HEATR9: variants seen among roughly 807,000 people sequenced by gnomAD.
The protein encoded by HEATR9 is HEAT repeat containing 9, also known as protein HEATR9.
A neutral mutation model predicts 68.2 loss-of-function variants in HEATR9; 54 were observed. The observed-to-expected ratio is 0.79, with a 90% CI of 0.64 to 0.99. HEATR9 has a LOEUF of 0.99. Among genes scored for constraint, HEATR9 ranks in the 50% least tolerant of loss-of-function variants. The pLI, the probability that HEATR9 is intolerant of heterozygous loss-of-function variation, is 0.00. For synonymous variants in HEATR9, 241 were observed against 253.5 expected (o/e 0.95, Z 0.47); for missense variants, 662 against 679.7 (o/e 0.97, Z 0.29).
chr17:35,857,252 C>G (rs1318727050), intron 11 of HEATR9, among the ~76,000 whole-genome samples: 2 of 152,102 alleles, frequency 1.3e-5, no homozygotes, highest in Non-Finnish European at 2.9e-5. Context: ...TCTAATTACC[C>G]TGGGACAACA....
At position 35,864,292 on chromosome 17, in the gene HEATR9, C is replaced by T; in HGVS notation, c.521G>A (p.Cys174Tyr). 1 of 1,612,524 alleles carries T rather than the reference C, an allele frequency of 6.2e-7. No individual in the cohort carries two copies. The highest frequency in any genetic ancestry group is 8.5e-7 in the Non-Finnish European group (1 of 1,178,468). The part of the protein sequence containing the change: ...EQFYAAQALG[C>Y]LRISDKFVME... ...GACAAACTTGTCACTGATGCGTAAG[C>T]ATCCCAGAGCCTGCAGGAAGAGGGA... Residue 174 changes from cysteine (C) to tyrosine (Y), a missense_variant, in exon 6 of 15, where the codon TGC (cysteine) becomes TAC (tyrosine). Cys to Tyr is a radical substitution (Grantham distance 194). Coordinates refer to ENST00000604834, the MANE Select transcript of HEATR9 (RefSeq NM_152781.4).
chr17:35,868,838 G>C lies in HEATR9; in HGVS notation c.-96C>G. 1 of 1,049,500 alleles carries C rather than the reference G, an allele frequency of 9.5e-7. No homozygotes were observed. The highest frequency in any genetic ancestry group is 1.4e-6 in the Non-Finnish European group (1 of 692,938). The allele number at this position is 1,049,500 out of a possible 1,614,324, so 65.0% of individuals were successfully genotyped here. On this transcript the variant is annotated 5_prime_UTR_variant, in exon 1 of 15. Transcript: ENST00000604834. ...AGCTGGAGGAGACCTGTCCTCTGTG[G>C]TACGAGAGGTACAGGGGAGGTGTCT...
chr17:35,857,931 G>A (rs1266201826), intron 11 of HEATR9, among the ~76,000 whole-genome samples: 1 of 152,132 alleles, frequency 6.6e-6, no homozygotes, highest in Admixed American at 6.5e-5. Flanking sequence ...TTTTTAGTAG[G>A]CAGAAGGGGA....
intron 2 of HEATR9, 143 bp downstream of exon 2, chr17:35,866,581 A>T: frequency 1.3e-6 from 1 of 752,380 alleles, no homozygotes; most frequent in Non-Finnish European, 2.3e-6. Context: ...TGAGGGGGAA[A>T]GTGACTGTTC....
At chr17:35,868,617 C>T (rs772475693) in intron 1 of HEATR9, 38 bp downstream of exon 1, 45 of 1,613,614 alleles carry the variant, frequency 2.8e-5, no homozygotes, top group Non-Finnish European at 3.4e-5. Context: ...TTTTCAGTCC[C>T]CTGCTCTTGG....
intron 14 of HEATR9, 39 bp downstream of exon 14, chr17:35,855,625 T>G (rs1598568678): frequency 6.3e-7 from 1 of 1,578,058 alleles, no homozygotes. Flanking sequence ...GAAGGAGGGC[T>G]AGAGAAGAGG....
At chr17:35,856,905 A>T in intron 11 of HEATR9, 100 bp from the exon 12 acceptor site, 1 of 1,106,372 alleles carries the variant, frequency 9.0e-7, no homozygotes. Context: ...TGTGCTATGT[A>T]GAGTCCCTGC....
intron 8 of HEATR9, among the ~76,000 whole-genome samples, chr17:35,860,445 C>T (rs887257803): frequency 1.4e-5 from 2 of 141,824 alleles, no homozygotes; most frequent in African/African-American, 5.4e-5. Flanking sequence ...CTTCAAAGTC[C>T]TTATTTTTAT....
At position 35,868,776 on chromosome 17, in the gene HEATR9, A is replaced by AG; in HGVS notation, c.-35dup. The AG allele has an allele frequency of 6.2e-7, 1 of 1,604,280 alleles. No homozygotes were observed. The highest frequency in any genetic ancestry group is 8.5e-7 in the Non-Finnish European group (1 of 1,171,488). ...CCTGGTGGGGCCAGAGGGAACCTGC[A>AG]GGGGGGAATACAAGGCTTTTAGGGG... On this transcript the variant is annotated 5_prime_UTR_variant, in exon 1 of 15. Coordinates refer to ENST00000604834, the MANE Select transcript of HEATR9 (RefSeq NM_152781.4).
chr17:35,856,726 A>T lies in HEATR9; in HGVS notation c.1226+6T>A, dbSNP rs1377874296. 1 of 1,598,234 alleles carries T rather than the reference A, an allele frequency of 6.3e-7. No homozygotes were observed. Among genetic ancestry groups the T allele is most frequent in the East Asian group, 2.2e-5 (1 of 44,666 alleles). On this transcript the variant is annotated splice_donor_region_variant and intron_variant, in intron 12 of 14. Coordinates refer to ENST00000604834, the MANE Select transcript of HEATR9 (RefSeq NM_152781.4). ...ATTTGGCCCTGGCAGCTCCCAGGCCACTCACGCCTCCACCAAGTTCATCAT... is the reference window on the plus strand; with the variant it reads ...ATTTGGCCCTGGCAGCTCCCAGGCCTCTCACGCCTCCACCAAGTTCATCAT...
chr17:35,866,829 C>A, intron 1 of HEATR9, 56 bp from the exon 2 acceptor site: 2 of 1,563,770 alleles, frequency 1.3e-6, no homozygotes. Context: ...AGTTGCAGGC[C>A]AGGCTTGGTG....
intron 7 of HEATR9, 118 bp downstream of exon 7, chr17:35,863,384 C>A: frequency 8.6e-7 from 1 of 1,160,912 alleles, no homozygotes; most frequent in South Asian, 1.3e-5. Flanking sequence ...GGATAGTTCT[C>A]AGGCCTTGCC....
chr17:35,865,302 T>A lies in HEATR9; in HGVS notation c.233A>T (p.Glu78Val). 6.2e-7 allele frequency: 1 copy of A among 1,613,920 alleles called. No individual in the cohort carries two copies. The highest frequency in any genetic ancestry group is 8.5e-7 in the Non-Finnish European group (1 of 1,179,952). The change falls in exon 3 of 15, where the codon GAG (glutamate) becomes GTG (valine). Residue 78 changes from glutamate (E) to valine (V), a missense_variant. Physicochemically the swap from Glu to Val is moderately radical, Grantham distance 121 (BLOSUM62 -2). Coordinates refer to ENST00000604834, the MANE Select transcript of HEATR9 (RefSeq NM_152781.4). ...SVPYCYFKKP[E>V]IYTHWHDLYD... ...CAGGTCGTGCCAGTGCGTGTAGATC[T>A]CAGGTTTCTTGAAGTAGCAGTACGG...
chr17:35,868,492 C>T, intron 1 of HEATR9, 163 bp downstream of exon 1: 1 of 1,312,114 alleles, frequency 7.6e-7, no homozygotes, highest in Non-Finnish European at 1.0e-6. Context: ...GAGCCTGAGA[C>T]CTTGAGGACT....
At chr17:35,864,661 T>C in intron 4 of HEATR9, 97 bp downstream of exon 4, 2 of 1,592,688 alleles carry the variant, frequency 1.3e-6, no homozygotes, top group South Asian at 1.1e-5. Context: ...ACCTCTGTTT[T>C]TCAGGCAAGG....
chr17:35,863,762 T>C, intron 6 of HEATR9: 1 of 623,976 alleles, frequency 1.6e-6, no homozygotes. Flanking sequence ...TTTGTTCAAA[T>C]CTCTATCTGG....
rs754569996 is a variant in HEATR9 at position 35,858,240 on chromosome 17, A to T, written c.1112T>A (p.Phe371Tyr). The T allele has an allele frequency of 5.6e-6, 9 of 1,614,116 alleles. No individual in the cohort carries two copies. The highest frequency in any genetic ancestry group is 6.8e-6 in the Non-Finnish European group (8 of 1,180,016). ...ATGCGTCTTCCTCCTGAGCAGGTTA[A>T]ATGTGAGTTCCTCTAGCCCCTGTGC... The part of the protein sequence containing the change: ...IQAQGLEELT[F>Y]NLLRRKTHNE... The change falls in exon 11 of 15, where the codon TTT becomes TAT. Residue 371 changes from phenylalanine to tyrosine, a missense_variant. By Grantham distance (22) the Phe-to-Tyr change is conservative. Transcript: ENST00000604834.
chr17:35,855,284 T>G lies in HEATR9; in HGVS notation c.1492A>C (p.Lys498Gln). 1 of 1,614,218 alleles carries G rather than the reference T, an allele frequency of 6.2e-7. No homozygotes were observed. The highest frequency in any genetic ancestry group is 8.5e-7 in the Non-Finnish European group (1 of 1,180,012). Reference protein sequence around the residue: ...NVKAEPTRFQKEPENPEELTI... With the variant: ...NVKAEPTRFQQEPENPEELTI... ...AACTCTTCTGGGTTCTCAGGCTCTT[T>G]CTGGAACCTTGTGGGCTCTGCCTTC... Residue 498 changes from lysine to glutamine, a missense_variant, in exon 15 of 15, where the codon AAA becomes CAA. Physicochemically the swap from Lys to Gln is moderately conservative, Grantham distance 53 (BLOSUM62 1). Coordinates refer to ENST00000604834, the MANE Select transcript of HEATR9 (RefSeq NM_152781.4).
In HEATR9 at chr17:35,868,434, G is replaced by A. The variant is rs141889528; in HGVS notation, c.88+221C>T. 3,018 of 688,034 alleles carry A rather than the reference G, an allele frequency of 4.4e-3. 22 individuals are homozygous for A. The highest frequency in any genetic ancestry group is 5.2e-3 in the Non-Finnish European group (2,306 of 442,866). 42.6% of individuals were successfully genotyped at this position (688,034 alleles called of 1,614,324 possible). ...TACAGGTGTGGGAGCAGAAGCTGGGGAGACACACAGGTGTCCCATCTTAGA... is the reference window on the plus strand; with the variant it reads ...TACAGGTGTGGGAGCAGAAGCTGGGAAGACACACAGGTGTCCCATCTTAGA... On this transcript the variant is annotated intron_variant, in intron 1 of 14. Transcript: ENST00000604834.
Sources: gnomAD v4.1 joint callset for allele counts (sites outside exome capture counted in the v4.1 genomes callset) on GRCh38, gnomAD v4.1.1 for gene constraint, MANE v1.5 for transcripts, NCBI Gene and HGNC (gene_info 2026-07-23, HGNC 2026-07-21) for gene names.